The following TMEM164 variants were observed in gnomAD, a reference collection of about 807,000 sequenced individuals.
TMEM164 encodes transmembrane protein 164, also known as RP13-360B22.2.
A neutral mutation model predicts 18.8 loss-of-function variants in TMEM164; 4 were observed. The ratio of observed to expected loss-of-function variants is 0.21; its 90% confidence interval spans 0.10 to 0.49. TMEM164 has a LOEUF of 0.49. Among genes scored for constraint, TMEM164 ranks in the 20% least tolerant of loss-of-function variants. The pLI, the probability that TMEM164 is intolerant of heterozygous loss-of-function variation, is 0.98. For missense variants in TMEM164, 108 were observed against 239.9 expected, an observed-to-expected ratio of 0.45 and a Z score of 3.63; for synonymous variants, 86 against 101.7, an observed-to-expected ratio of 0.85 and a Z score of 0.93.
chrX:110,020,294 G>A (rs1373943185), intron 2 of TMEM164: 1 of 665,075 alleles, frequency 1.5e-6, no homozygotes, highest in Non-Finnish European at 1.8e-6. Context: ...TCCAGATGAG[G>A]AAACTGTGGC....
Position 110,177,628 on chromosome X carries a change from G to A in TMEM164, c.*4177G>A, listed in dbSNP as rs1224619865. On this transcript the variant is annotated 3_prime_UTR_variant, in exon 7 of 7. Transcript: ENST00000372068. ...TTGTACCGAAATGGTATCTGCAGTC[G>A]CCTTTGGAAATAAATGGTCATTAAT... 2 of 112,545 alleles carry A rather than the reference G, an allele frequency of 1.8e-5. No homozygotes were observed. Among genetic ancestry groups the A allele is most frequent in the Admixed American group, 1.9e-4 (2 of 10,698 alleles). 9.3% of individuals were successfully genotyped at this position (112,545 alleles called of 1,213,427 possible). A position where few individuals can be genotyped will look rare whatever the true frequency, so the allele number is the denominator to read the frequency against.
chrX:110,129,111 T>C (rs866663943), intron 4 of TMEM164, among the ~76,000 whole-genome samples: 2 of 29,613 alleles, frequency 6.8e-5, no homozygotes, highest in African/African-American at 9.0e-4. Context: ...CTAAATGAAT[T>C]CTGACCTCAG....
At chrX:110,100,772 G>A (rs2066098893) in intron 3 of TMEM164, among the ~76,000 whole-genome samples, 1 of 109,476 alleles carries the variant, frequency 9.1e-6, no homozygotes, top group Non-Finnish European at 1.9e-5. Context: ...TATTTTTTTA[G>A]TAGAGACGGG....
intron 3 of TMEM164, among the ~76,000 whole-genome samples, chrX:110,096,091 GC>G (rs1442429956): frequency 8.9e-6 from 1 of 112,326 alleles, no homozygotes; most frequent in Non-Finnish European, 1.9e-5. Context: ...GTGTCAGTTG[GC>G]CCCTACTGAG....
In TMEM164 at chrX:110,030,108, G is replaced by GGTTTTTTTTTTTTTTTTTTTTTTTT. The variant is rs1934394060; in HGVS notation, c.390+25944_390+25945insGTTTTTTTTTTTTTTTTTTTTTTTT. 1.1e-4 allele frequency among the ~76,000 whole-genome samples: 3 copies of GGTTTTTTTTTTTTTTTTTTTTTTTT among 26,970 alleles called. 1 individual carries two copies. Among genetic ancestry groups the GGTTTTTTTTTTTTTTTTTTTTTTTT allele is most frequent in the Admixed American group, 1.4e-3 (2 of 1,388 alleles). The allele number at this position is 26,970 out of a possible 115,157, so 23.4% of individuals were successfully genotyped here. ...TTTTTCTCTCTCTTTTTCTCTGTCT[G>GGTTTTTTTTTTTTTTTTTTTTTTTT]TTTTTTTTTTTTTTTTTTTTTTTTT... is the stretch of plus-strand genomic sequence containing the variant. On this transcript the variant is annotated intron_variant, in intron 2 of 6. Coordinates refer to ENST00000372068, the MANE Select transcript of TMEM164 (RefSeq NM_032227.4).
intron 3 of TMEM164, among the ~76,000 whole-genome samples, chrX:110,078,393 C>T (rs1887606896): frequency 8.9e-6 from 1 of 112,142 alleles, no homozygotes; most frequent in Admixed American, 9.5e-5. Context: ...TGAGTTTCAA[C>T]TTTCTCTGGA....
At chrX:110,180,360 G>A (rs373711949), downstream of TMEM164, among the ~76,000 whole-genome samples, 3 of 112,475 alleles carry the variant, frequency 2.7e-5, no homozygotes, top group East Asian at 5.6e-4. Context: ...GCCAGTGGAG[G>A]AACAGAAATA....
chrX:110,092,951 G>A (rs921979596), intron 3 of TMEM164, among the ~76,000 whole-genome samples: 1 of 111,992 alleles, frequency 8.9e-6, no homozygotes, highest in South Asian at 3.7e-4. Context: ...GGCCTTTTCT[G>A]CATCTATTGA....
intron 3 of TMEM164, among the ~76,000 whole-genome samples, chrX:110,097,663 G>A (rs760482541): frequency 8.9e-6 from 1 of 112,094 alleles, no homozygotes; most frequent in Non-Finnish European, 1.9e-5. Flanking sequence ...GAGATGAATC[G>A]TATTCAGGAA....
chrX:110,113,652 CA>C (rs2066322131), intron 4 of TMEM164, among the ~76,000 whole-genome samples: 1 of 111,735 alleles, frequency 8.9e-6, no homozygotes, highest in African/African-American at 3.3e-5. Flanking sequence ...AGTGACAGGG[CA>C]TTGGAAGTAG....
chrX:110,163,874 T>C (rs992464532), intron 5 of TMEM164, among the ~76,000 whole-genome samples: 4 of 111,996 alleles, frequency 3.6e-5, no homozygotes, highest in Non-Finnish European at 3.8e-5. Context: ...AAGACCATAC[T>C]GGGCACTGAT....
At chrX:110,164,243 C>G (rs944707610) in intron 5 of TMEM164, among the ~76,000 whole-genome samples, 1 of 111,357 alleles carries the variant, frequency 9.0e-6, no homozygotes, top group Non-Finnish European at 1.9e-5. Context: ...TTTTTTCCAG[C>G]TGAGTATCAT....
intron 2 of TMEM164, among the ~76,000 whole-genome samples, chrX:110,037,932 A>G (rs1360182194): frequency 9.1e-6 from 1 of 110,359 alleles, no homozygotes; most frequent in African/African-American, 3.3e-5. Context: ...TGACCTTAGC[A>G]CATGGACTTA....
At chrX:110,098,040 C>T (rs918986810) in intron 3 of TMEM164, among the ~76,000 whole-genome samples, 12 of 111,903 alleles carry the variant, frequency 1.1e-4, no homozygotes, top group Admixed American at 2.8e-4. Flanking sequence ...CTTCTAAAAA[C>T]TTCTCATACT....
intron 2 of TMEM164, among the ~76,000 whole-genome samples, chrX:110,048,138 G>C (rs758842457): frequency 9.0e-6 from 1 of 111,116 alleles, no homozygotes; most frequent in African/African-American, 3.3e-5. Context: ...TTCCCTGAAC[G>C]CATCTTTGTA....
At chrX:110,060,202 G>A (rs1286519525) in intron 2 of TMEM164, among the ~76,000 whole-genome samples, 1 of 106,214 alleles carries the variant, frequency 9.4e-6, no homozygotes, top group Non-Finnish European at 1.9e-5. Flanking sequence ...AGGAGTTTGA[G>A]GCTGCAGTGA....
At chrX:110,146,846 G>A (rs2066862840) in intron 5 of TMEM164, among the ~76,000 whole-genome samples, 1 of 112,542 alleles carries the variant, frequency 8.9e-6, no homozygotes, top group Admixed American at 9.4e-5. Flanking sequence ...GAGGGAGAAT[G>A]GATCTGAAGC....
At chrX:110,168,098 AGGGAG>A (rs1403025179) in intron 5 of TMEM164, among the ~76,000 whole-genome samples, 3 of 112,111 alleles carry the variant, frequency 2.7e-5, no homozygotes, top group Non-Finnish European at 5.6e-5. Context: ...GAGAGGATGG[AGGGAG>A]GGGGCACCCG....
chrX:110,140,298 A>T (rs1303038715), intron 4 of TMEM164, among the ~76,000 whole-genome samples: 1 of 111,840 alleles, frequency 8.9e-6, no homozygotes, highest in Non-Finnish European at 1.9e-5. Context: ...ATTTAGAAAC[A>T]TCTGTGAGGC....
Sources: gnomAD v4.1 joint callset for allele counts (sites outside exome capture counted in the v4.1 genomes callset) on GRCh38, gnomAD v4.1.1 for gene constraint, MANE v1.5 for transcripts, NCBI Gene and HGNC (gene_info 2026-07-23, HGNC 2026-07-21) for gene names.